Variants in CSMD1 observed in about 807,000 individuals in gnomAD.
CSMD1 encodes CUB and Sushi multiple domains 1.
CSMD1 carries 213 observed loss-of-function variants against 417.5 expected under a neutral mutation model. The observed-to-expected ratio is 0.51, with a 90% confidence interval of 0.46 to 0.57. The LOEUF (loss-of-function observed/expected upper bound fraction) is 0.57. Ranked by LOEUF, CSMD1 falls within the 20% of genes least tolerant of loss-of-function variation. The pLI is 0.00. For synonymous variants in CSMD1, 2,862 were observed against 1,736.8 expected, an observed-to-expected ratio of 1.65 and a Z score of -16.11; for missense variants, 6,923 against 4,529.7, an observed-to-expected ratio of 1.53 and a Z score of -15.17.
intron 41 of CSMD1, among the ~76,000 whole-genome samples, chr8:3,138,810 A>G (rs1818263939): frequency 6.6e-6 from 1 of 152,240 alleles, no homozygotes; most frequent in Non-Finnish European, 1.5e-5. Flanking sequence ...TTAGCCAGAG[A>G]GACAGCAGAT....
chr8:3,008,677 G>A (rs1808150482), intron 52 of CSMD1, among the ~76,000 whole-genome samples: 1 of 152,196 alleles, frequency 6.6e-6, no homozygotes, highest in African/African-American at 2.4e-5. Flanking sequence ...ACAAAGCTGT[G>A]TTTTAGAGGA....
intron 5 of CSMD1, among the ~76,000 whole-genome samples, chr8:3,771,855 C>A (rs1378214519): frequency 6.6e-6 from 1 of 152,064 alleles, no homozygotes. Flanking sequence ...CTTGTCCTTG[C>A]TTTGCCCACT....
At chr8:3,487,090 C>T (rs1000008376) in intron 11 of CSMD1, among the ~76,000 whole-genome samples, 3 of 152,200 alleles carry the variant, frequency 2.0e-5, no homozygotes, top group Admixed American at 6.5e-5. Context: ...GTAACCATTA[C>T]TACAGGAGAA....
chr8:3,958,781 G>C (rs778909627), intron 5 of CSMD1, among the ~76,000 whole-genome samples: 1 of 152,180 alleles, frequency 6.6e-6, no homozygotes, highest in African/African-American at 2.4e-5. Flanking sequence ...GTTCAAAGAG[G>C]AACGACATTA....
intron 6 of CSMD1, among the ~76,000 whole-genome samples, chr8:3,716,371 T>C (rs145075730): frequency 1.3e-5 from 2 of 152,322 alleles, no homozygotes; most frequent in East Asian, 1.9e-4. Context: ...AGAACAGTCT[T>C]GAAGGCCGCT....
At chr8:4,819,140 T>A (rs538279372) in intron 1 of CSMD1, among the ~76,000 whole-genome samples, 8 of 152,196 alleles carry the variant, frequency 5.3e-5, no homozygotes, top group Non-Finnish European at 1.0e-4. Flanking sequence ...AGCTCATGCG[T>A]CCTTCTGCTC....
intron 4 of CSMD1, among the ~76,000 whole-genome samples, chr8:4,004,433 T>C (rs1285281086): frequency 6.7e-6 from 1 of 149,854 alleles, no homozygotes; most frequent in Non-Finnish European, 1.5e-5. Context: ...TTTTTTTTTT[T>C]TAAAGGAAAG....
intron 5 of CSMD1, among the ~76,000 whole-genome samples, chr8:3,789,919 G>A (rs1179523074): frequency 6.6e-6 from 1 of 151,974 alleles, no homozygotes; most frequent in Non-Finnish European, 1.5e-5. Flanking sequence ...TTTCAGTAGA[G>A]ACGGGGTTTC....
chr8:4,598,273 G>A (rs1345288191), intron 2 of CSMD1, among the ~76,000 whole-genome samples: 1 of 152,112 alleles, frequency 6.6e-6, no homozygotes, highest in Non-Finnish European at 1.5e-5. Context: ...CAAACACAAT[G>A]ATGATTTGGA....
At chr8:2,972,725 G>A (rs1804565103) in intron 57 of CSMD1, among the ~76,000 whole-genome samples, 1 of 152,214 alleles carries the variant, frequency 6.6e-6, no homozygotes, top group Non-Finnish European at 1.5e-5. Flanking sequence ...GAAATGACGT[G>A]TGAAGGAAGC....
At position 4,532,121 on chromosome 8, in the gene CSMD1, C is replaced by T. The variant is rs938910660; in HGVS notation, c.302+105221G>A. On this transcript the variant is annotated intron_variant, in intron 2 of 69. Transcript: ENST00000635120. ...AATCCTGCACCGCCATTCACAGTCACTCCGGAAGAGAAATCCTGCAAGCCC... is the reference window on the plus strand; with the variant it reads ...AATCCTGCACCGCCATTCACAGTCATTCCGGAAGAGAAATCCTGCAAGCCC... Among the ~76,000 whole-genome samples, 85 of 140,140 alleles carry T rather than the reference C, an allele frequency of 6.1e-4. 1 individual carries two copies. The highest frequency in any genetic ancestry group is 2.2e-3 in the African/African-American group (81 of 36,474). 91.9% of individuals were successfully genotyped at this position (140,140 alleles called of 152,430 possible).
intron 1 of CSMD1, among the ~76,000 whole-genome samples, chr8:4,709,790 G>T (rs1055775283): frequency 6.6e-6 from 1 of 152,164 alleles, no homozygotes; most frequent in Non-Finnish European, 1.5e-5. Context: ...AGTCACAGGG[G>T]AAAGAGGCAG....
At chr8:4,628,835 T>G (rs1802326318) in intron 2 of CSMD1, among the ~76,000 whole-genome samples, 1 of 152,130 alleles carries the variant, frequency 6.6e-6, no homozygotes, top group African/African-American at 2.4e-5. Flanking sequence ...ATCTCTGAGC[T>G]CCCACCATCA....
At chr8:4,061,898 A>G (rs2130740930) in intron 3 of CSMD1, among the ~76,000 whole-genome samples, 1 of 152,286 alleles carries the variant, frequency 6.6e-6, no homozygotes, top group Non-Finnish European at 1.5e-5. Context: ...ATACTGGTAA[A>G]GTGAATAAAT....
chr8:4,238,435 T>C (rs771364975), intron 3 of CSMD1, among the ~76,000 whole-genome samples: 1 of 152,118 alleles, frequency 6.6e-6, no homozygotes, highest in African/African-American at 2.4e-5. Context: ...AAATCAATAC[T>C]GTGATTCCCT....
At chr8:3,400,194 T>G (rs1470451862) in intron 15 of CSMD1, among the ~76,000 whole-genome samples, 1 of 152,168 alleles carries the variant, frequency 6.6e-6, no homozygotes, top group Non-Finnish European at 1.5e-5. Context: ...CTGTATCATC[T>G]AAAGGAATTT....
chr8:4,458,838 A>T (rs1416761609), intron 2 of CSMD1, among the ~76,000 whole-genome samples: 3 of 152,226 alleles, frequency 2.0e-5, no homozygotes, highest in Admixed American at 1.3e-4. Flanking sequence ...ACCCACTTTC[A>T]GAACTGAGGC....
chr8:3,766,009 G>C (rs779267196), intron 5 of CSMD1, among the ~76,000 whole-genome samples: 8 of 152,198 alleles, frequency 5.3e-5, no homozygotes, highest in Non-Finnish European at 8.8e-5. Context: ...ATTTGGGAGA[G>C]GATGTGACAA....
chr8:3,282,191 C>T (rs1400478699), intron 26 of CSMD1, among the ~76,000 whole-genome samples: 1 of 151,972 alleles, frequency 6.6e-6, no homozygotes, highest in Non-Finnish European at 1.5e-5. Context: ...CAAAAGTGAA[C>T]CCGGAGAAAA....
Sources: allele counts gnomAD v4.1 joint callset (sites outside exome capture counted in the v4.1 genomes callset), GRCh38; gene constraint gnomAD v4.1.1; transcripts MANE v1.5; gene names NCBI Gene and HGNC (gene_info 2026-07-23, HGNC 2026-07-21).